SPATA1: variants seen among roughly 807,000 people sequenced by gnomAD.
SPATA1 encodes the protein spermatogenesis-associated protein 1.
Under a neutral mutation model 59.6 loss-of-function variants are expected in SPATA1, and 57 were observed. That is an observed-to-expected ratio of 0.96 (90% confidence interval 0.77 to 1.19). The LOEUF (loss-of-function observed/expected upper bound fraction) is 1.19, where lower values mean the gene tolerates loss of function less well. Among genes scored for constraint, SPATA1 ranks in the 50% most tolerant of loss-of-function variants. The probability of loss-of-function intolerance (pLI) is 0.00; values close to 1 mark genes in which losing one functional copy is unlikely to be tolerated. For missense variants in SPATA1, 448 were observed against 480.7 expected, an observed-to-expected ratio of 0.93 and a Z score of 0.64; for synonymous variants, 147 against 163.9, an observed-to-expected ratio of 0.90 and a Z score of 0.79.
At chr1:84,527,909 T>C (rs41284595) in intron 6 of SPATA1, among the ~76,000 whole-genome samples, 4,718 of 152,264 alleles carry the variant, frequency 0.031, 113 homozygotes, top group Non-Finnish European at 0.049. Flanking sequence ...TTTTGTATTT[T>C]TAGTAGAGGC....
downstream of SPATA1, among the ~76,000 whole-genome samples, chr1:84,557,599 T>C (rs1684481404): frequency 2.2e-5 from 3 of 138,290 alleles, no homozygotes; most frequent in Admixed American, 2.2e-4. Context: ...CTCACACCTA[T>C]AATCCCAGCC....
chr1:84,548,742 GGCCTTTCCTTTTTT>G, intron 10 of SPATA1, 30 bp from the exon 11 acceptor site: 1 of 1,367,678 alleles, frequency 7.3e-7, no homozygotes, highest in South Asian at 1.7e-5. Context: ...CTCAAACGAA[GGCCTTTCCTTTTTT>G]TTTTTTTTTT....
At chr1:84,563,158 A>G (rs1684626098) in intron 4 of SPATA1, 1 of 855,814 alleles carries the variant, frequency 1.2e-6, no homozygotes, top group African/African-American at 1.8e-5. Context: ...TTATGCCCTA[A>G]AAGAAAACTG....
chr1:84,563,807 G>T, intron 4 of SPATA1: 1 of 1,607,626 alleles, frequency 6.2e-7, no homozygotes, highest in Non-Finnish European at 8.5e-7. Context: ...TAGGATTAAT[G>T]CTCATCTTGA....
At chr1:84,516,432 C>T (rs756361486) in intron 2 of SPATA1, 37 bp downstream of exon 2, 1 of 1,234,186 alleles carries the variant, frequency 8.1e-7, no homozygotes, top group South Asian at 1.5e-5. Flanking sequence ...ATAAGAAAGA[C>T]CTGCTTATCA....
At chr1:84,555,792 A>G (rs999739592), downstream of SPATA1, 6 of 152,384 alleles carry the variant, frequency 3.9e-5, no homozygotes, top group East Asian at 1.2e-3. Context: ...GCTAGGGCAT[A>G]TATTTGTTTT....
chr1:84,563,289 T>C, intron 4 of SPATA1: 1 of 1,578,520 alleles, frequency 6.3e-7, no homozygotes, highest in East Asian at 2.4e-5. Flanking sequence ...CGCTGATCTT[T>C]ATCCCATAGG....
At chr1:84,567,004 AT>A (rs1684713182), downstream of SPATA1, among the ~76,000 whole-genome samples, 1 of 152,208 alleles carries the variant, frequency 6.6e-6, no homozygotes, top group South Asian at 2.1e-4. Flanking sequence ...TTAACCAAAT[AT>A]TAATTAGCCT....
chr1:84,563,132 A>G, intron 4 of SPATA1: 3 of 553,862 alleles, frequency 5.4e-6, no homozygotes, highest in Non-Finnish European at 8.7e-6. Flanking sequence ...TACTCATGTA[A>G]ATAGCAGTCT....
chr1:84,544,248 C>T lies in SPATA1; in HGVS notation c.764C>T (p.Pro255Leu), dbSNP rs1248871715. The change falls in exon 9 of 13, where the codon CCT (proline) becomes CTT (leucine). Residue 255 changes from proline to leucine, a missense_variant. Coordinates refer to ENST00000490879, the Ensembl canonical transcript of SPATA1. ...ACCCTACCAGATCACCCTTCACTTC[C>T]TTGTCAACCTGTTCTTTCTTCAGGA... 4 of 1,599,450 alleles carry T rather than the reference C, an allele frequency of 2.5e-6. No individual in the cohort carries two copies. In the East Asian group the frequency reaches 6.7e-5, roughly 27 times the overall value.
chr1:84,563,981 T>C (rs1684642744), intron 4 of SPATA1: 1 of 842,030 alleles, frequency 1.2e-6, no homozygotes. Context: ...AAAACATCCC[T>C]TAAGAACCAT....
chr1:84,559,503 C>A (rs976161442), downstream of SPATA1, among the ~76,000 whole-genome samples: 1 of 151,924 alleles, frequency 6.6e-6, no homozygotes, highest in Non-Finnish European at 1.5e-5. Context: ...ATCCCTATAA[C>A]CCCAGATATT....
At chr1:84,563,846 A>G in intron 4 of SPATA1, 1 of 1,596,152 alleles carries the variant, frequency 6.3e-7, no homozygotes, top group South Asian at 1.1e-5. Context: ...GTCAAGCAGG[A>G]GAGAAAAAGC....
At chr1:84,558,231 T>C (rs1287465427), downstream of SPATA1, among the ~76,000 whole-genome samples, 1 of 152,082 alleles carries the variant, frequency 6.6e-6, no homozygotes, top group Non-Finnish European at 1.5e-5. Context: ...TCACAATGTA[T>C]AGATATATCA....
chr1:84,527,200 G>A (rs1228760836), intron 6 of SPATA1, among the ~76,000 whole-genome samples: 1 of 151,990 alleles, frequency 6.6e-6, no homozygotes, highest in East Asian at 1.9e-4. Flanking sequence ...ACATCTGGGG[G>A]ATGCATTTCA....
At chr1:84,528,791 G>A (rs75591073) in intron 6 of SPATA1, among the ~76,000 whole-genome samples, 15 of 152,204 alleles carry the variant, frequency 9.9e-5, no homozygotes, top group East Asian at 3.9e-4. Flanking sequence ...TTTCCAAAGC[G>A]GTAGTACCCA....
chr1:84,529,009 A>T (rs11808736), intron 6 of SPATA1, among the ~76,000 whole-genome samples: 15 of 151,438 alleles, frequency 9.9e-5, no homozygotes, highest in East Asian at 1.9e-4. Context: ...CTATATATAT[A>T]TTTTTTCATA....
chr1:84,546,957 T>A (rs1183637298), intron 10 of SPATA1, among the ~76,000 whole-genome samples: 2 of 146,092 alleles, frequency 1.4e-5, no homozygotes, highest in Non-Finnish European at 3.0e-5. Flanking sequence ...CTAAATTATT[T>A]GAGAGGCCTC....
intron 4 of SPATA1, among the ~76,000 whole-genome samples, chr1:84,525,028 G>A (rs1683160844): frequency 6.6e-6 from 1 of 152,156 alleles, no homozygotes; most frequent in Non-Finnish European, 1.5e-5. Context: ...CCAGGCTGGA[G>A]TGCAGTGGTG....
Sources: allele counts gnomAD v4.1 joint callset (sites outside exome capture counted in the v4.1 genomes callset), GRCh38; gene constraint gnomAD v4.1.1; transcripts MANE v1.5; gene names NCBI Gene and HGNC (gene_info 2026-07-23, HGNC 2026-07-21).